The following MACF1 variants were observed in gnomAD, a reference collection of about 807,000 sequenced individuals.
MACF1 encodes microtubule actin crosslinking factor 1.
Under a neutral mutation model 854.8 loss-of-function variants are expected in MACF1, and 193 were observed. That is an observed-to-expected ratio of 0.23 (90% CI 0.20 to 0.25). The LOEUF (loss-of-function observed/expected upper bound fraction) is 0.25, where lower values mean the gene tolerates loss of function less well. Ranked by LOEUF, MACF1 falls within the 10% of genes least tolerant of loss-of-function variation. MACF1 has a pLI of 1.00. For missense variants in MACF1, 7,722 were observed against 8,929.1 expected, an observed-to-expected ratio of 0.86 and a Z score of 5.45; for synonymous variants, 3,185 against 3,226.7, an observed-to-expected ratio of 0.99 and a Z score of 0.44.
chr1:39,088,263 C>T (rs565708362), intron 2 of MACF1, among the ~76,000 whole-genome samples: 10 of 152,188 alleles, frequency 6.6e-5, no homozygotes, highest in East Asian at 1.9e-4. Flanking sequence ...TGAGCCACCG[C>T]GCCTGGCCCG....
intron 74 of MACF1, among the ~76,000 whole-genome samples, 194 bp downstream of exon 74, chr1:39,441,519 C>T (rs1415260333): frequency 2.0e-5 from 3 of 152,214 alleles, no homozygotes; most frequent in African/African-American, 7.2e-5. Context: ...AATTCTTACT[C>T]TTCCTGCCAT....
At chr1:39,164,685 T>C (rs1438383065) in intron 2 of MACF1, among the ~76,000 whole-genome samples, 1 of 152,182 alleles carries the variant, frequency 6.6e-6, no homozygotes, top group African/African-American at 2.4e-5. Flanking sequence ...CCATCAATAT[T>C]GTACAGGAAT....
At chr1:39,324,783 C>T (rs921503719) in intron 35 of MACF1, 49 bp downstream of exon 35, 1 of 1,369,068 alleles carries the variant, frequency 7.3e-7, no homozygotes, top group African/African-American at 1.4e-5. Flanking sequence ...CCTGGTCTAT[C>T]AGTCTAAAAC....
rs771763139 is a variant in MACF1, at chr1:39,359,125, T to C, written c.12121-16T>C. On this transcript the variant is annotated splice_polypyrimidine_tract_variant and intron_variant, in intron 46 of 100. Coordinates refer to ENST00000564288, the MANE Select transcript of MACF1 (RefSeq NM_001394062.1). ...TACTTAGATGTTTTTCTTTTGTTTT[T>C]TTCATGGACAAGCAGCAGTTGCAGG... 3 of 1,613,692 alleles carry C rather than the reference T, an allele frequency of 1.9e-6. No individual in the cohort carries two copies. The highest frequency in any genetic ancestry group is 1.7e-5 in the Admixed American group (1 of 59,858).
intron 58 of MACF1, among the ~76,000 whole-genome samples, chr1:39,418,035 G>T (rs192204428): frequency 6.6e-6 from 1 of 152,294 alleles, no homozygotes; most frequent in African/African-American, 2.4e-5. Context: ...TACATAGTTA[G>T]AAATTTTGGC....
At chr1:39,115,259 G>A (rs561145300) in intron 2 of MACF1, among the ~76,000 whole-genome samples, 1 of 152,200 alleles carries the variant, frequency 6.6e-6, no homozygotes, top group African/African-American at 2.4e-5. Context: ...TTAGGAAGCT[G>A]TCACAGGAAT....
In MACF1 at chr1:39,433,065, T is replaced by A. The variant is rs1369722791; in HGVS notation, c.17475T>A (p.Ile5825=). The A allele has an allele frequency of 6.2e-7, 1 of 1,610,940 alleles. No homozygotes were observed. The highest frequency in any genetic ancestry group is 2.2e-5 in the East Asian group (1 of 44,766). Residue 5825 remains isoleucine (I), a synonymous_variant, in exon 68 of 101, where the codon ATT becomes ATA. Transcript: ENST00000564288. ...TTTCAAAGGCTTTCTCCATTGACATTATTCGACACAAAGATTCAATGGATG... is the reference window on the plus strand; with the variant it reads ...TTTCAAAGGCTTTCTCCATTGACATAATTCGACACAAAGATTCAATGGATG... The part of the protein sequence containing the change: ...LQVQKAFSID[I]IRHKDSMDEL...
chr1:39,319,782 A>C, intron 31 of MACF1, 35 bp downstream of exon 31: 1 of 1,462,476 alleles, frequency 6.8e-7, no homozygotes, highest in Non-Finnish European at 9.5e-7. Flanking sequence ...AACATGAATC[A>C]TCACCAGCTC....
intron 30 of MACF1, among the ~76,000 whole-genome samples, chr1:39,318,963 T>A (rs1206580913): frequency 6.6e-6 from 1 of 151,990 alleles, no homozygotes; most frequent in African/African-American, 2.4e-5. Context: ...AGAAAATGAT[T>A]CTTTTTTTTT....
chr1:39,452,085 A>T, intron 85 of MACF1, 71 bp from the exon 86 acceptor site: 1 of 1,293,812 alleles, frequency 7.7e-7, no homozygotes, highest in Non-Finnish European at 1.1e-6. Flanking sequence ...CAAGAAAATT[A>T]TTATTTCCCA....
In MACF1 at chr1:39,336,473, T is replaced by A; in HGVS notation, c.9885T>A (p.Thr3295=). 6.2e-7 allele frequency: 1 copy of A among 1,614,180 alleles called. No individual in the cohort carries two copies. The change falls in exon 37 of 101, where the codon ACT becomes ACA. Residue 3295 remains threonine (T), a synonymous_variant. Transcript: ENST00000564288. ...TGQQNAIISP[T]VLETSEEKTV... ...AACAGAATGCCATCATTAGTCCTAC[T>A]GTTCTAGAGACCAGTGAAGAAAAGA...
rs781350385 is a variant in MACF1, at chr1:39,147,196, C to G, written c.220+62758C>G. Among the ~76,000 whole-genome samples, 8 of 149,926 alleles carry G rather than the reference C, an allele frequency of 5.3e-5. No homozygotes were observed. In the South Asian group the frequency reaches 8.5e-4, roughly 16 times the overall value. On this transcript the variant is annotated intron_variant, in intron 2 of 93. Transcript: ENST00000361689. ...TCCTTTCTTCTTTCTCCTTTCTCGT[C>G]TCTCCTCTCCTCACCTTCCCCTTTT...
At chr1:39,118,481 A>G (rs1001135672) in intron 2 of MACF1, among the ~76,000 whole-genome samples, 3 of 152,226 alleles carry the variant, frequency 2.0e-5, no homozygotes, top group African/African-American at 4.8e-5. Context: ...AACAGTATTC[A>G]TGTAACACTG....
rs1645952806 is a variant in MACF1 at position 39,297,760 on chromosome 1, A to G, written c.2481+15A>G. 4 of 1,613,382 alleles carry G rather than the reference A, an allele frequency of 2.5e-6. No individual in the cohort carries two copies. Among genetic ancestry groups the G allele is most frequent in the South Asian group, 1.1e-5 (1 of 91,056 alleles). On this transcript the variant is annotated intron_variant, in intron 21 of 100. Transcript: ENST00000564288. ...AGGACTCCATGGTGGGTGTTGCCTC[A>G]GTGGGGATGATTACTTCTGAGAAAG...
intron 1 of MACF1, among the ~76,000 whole-genome samples, chr1:39,211,092 G>A (rs979103421): frequency 1.7e-4 from 26 of 151,856 alleles, no homozygotes; most frequent in Non-Finnish European, 3.2e-4. Flanking sequence ...TCAGCCTCCC[G>A]AGTAGCTGGG....
intron 6 of MACF1, among the ~76,000 whole-genome samples, chr1:39,264,469 A>G (rs1330976969): frequency 2.0e-5 from 3 of 152,192 alleles, no homozygotes; most frequent in East Asian, 1.9e-4. Flanking sequence ...TTTGCCTGGC[A>G]TAGAATAGGC....
chr1:39,274,220 AAAAAT>A (rs1414898436), intron 6 of MACF1, among the ~76,000 whole-genome samples: 3 of 151,834 alleles, frequency 2.0e-5, no homozygotes, highest in Non-Finnish European at 4.4e-5. Flanking sequence ...AAAATTGTAT[AAAAAT>A]AAAATGAAAT....
At chr1:39,348,088 A>G (rs1406475454) in intron 41 of MACF1, among the ~76,000 whole-genome samples, 1 of 152,178 alleles carries the variant, frequency 6.6e-6, no homozygotes, top group Non-Finnish European at 1.5e-5. Context: ...GTTGTGCAAA[A>G]AATTGAGCTT....
At chr1:39,455,355 C>T (rs41270819) in intron 89 of MACF1, among the ~76,000 whole-genome samples, 10,207 of 152,180 alleles carry the variant, frequency 0.067, 885 homozygotes, top group African/African-American at 0.21. Context: ...ATCTGGAGTT[C>T]AGGGTCCTCT....
Sources: gnomAD v4.1 joint callset for allele counts (sites outside exome capture counted in the v4.1 genomes callset) on GRCh38, gnomAD v4.1.1 for gene constraint, MANE v1.5 for transcripts, NCBI Gene and HGNC (gene_info 2026-07-23, HGNC 2026-07-21) for gene names.